SHTN1: variants seen among roughly 807,000 people sequenced by gnomAD.
The protein encoded by SHTN1 is shootin-1.
SHTN1 carries 42 observed loss-of-function variants against 83.1 expected under a neutral mutation model. That is an observed-to-expected ratio of 0.51 (90% CI 0.39 to 0.65). The LOEUF (loss-of-function observed/expected upper bound fraction) is 0.65. Ranked by LOEUF, SHTN1 falls within the 30% of genes least tolerant of loss-of-function variation. The pLI is 0.00. For missense variants in SHTN1, 622 were observed against 737.8 expected (o/e 0.84, Z 1.82); for synonymous variants, 224 against 247.7 (o/e 0.90, Z 0.90).
intron 9 of SHTN1, among the ~76,000 whole-genome samples, chr10:116,933,187 A>G (rs7089699): frequency 0.3 from 44,858 of 151,838 alleles, 6,951 homozygotes; most frequent in East Asian, 0.52. Context: ...TATTTATTAT[A>G]CTGTAAGTTC....
intron 2 of SHTN1, among the ~76,000 whole-genome samples, chr10:117,017,762 C>A (rs1480977978): frequency 1.4e-4 from 21 of 152,092 alleles, no homozygotes; most frequent in Admixed American, 1.4e-3. Flanking sequence ...AAAATAGCAA[C>A]CTTACAGTGG....
At chr10:117,119,792 A>AT (rs1853897716) in intron 1 of SHTN1, among the ~76,000 whole-genome samples, 1 of 152,154 alleles carries the variant, frequency 6.6e-6, no homozygotes. Flanking sequence ...CTATCGACAG[A>AT]TGAATGAATT....
At chr10:116,970,676 T>C (rs1850582544) in intron 2 of SHTN1, among the ~76,000 whole-genome samples, 1 of 149,474 alleles carries the variant, frequency 6.7e-6, no homozygotes, top group African/African-American at 2.5e-5. Context: ...ATCATGCCAC[T>C]GCACTCCAGC....
At chr10:117,039,202 A>C (rs1013880061) in intron 2 of SHTN1, among the ~76,000 whole-genome samples, 2 of 152,346 alleles carry the variant, frequency 1.3e-5, no homozygotes, top group African/African-American at 4.8e-5. Context: ...CATGGAGGAA[A>C]TTTAAATGCA....
At chr10:117,069,607 TG>T (rs1347125847) in intron 1 of SHTN1, among the ~76,000 whole-genome samples, 1 of 152,190 alleles carries the variant, frequency 6.6e-6, no homozygotes, top group African/African-American at 2.4e-5. Context: ...AACTGTCAAG[TG>T]TTACATTACT....
intron 16 of SHTN1, chr10:116,900,522 A>G: frequency 3.3e-6 from 5 of 1,527,102 alleles, no homozygotes; most frequent in Non-Finnish European, 4.4e-6. Flanking sequence ...GAGTTGCAGT[A>G]TTTTCTGATT....
intron 1 of SHTN1, among the ~76,000 whole-genome samples, chr10:116,992,373 T>C (rs971700887): frequency 7.2e-5 from 11 of 152,172 alleles, no homozygotes; most frequent in African/African-American, 2.4e-4. Flanking sequence ...GCAAATTGTT[T>C]ACAAAAATAG....
At chr10:116,939,724 C>T (rs912805788) in intron 9 of SHTN1, among the ~76,000 whole-genome samples, 2 of 152,194 alleles carry the variant, frequency 1.3e-5, no homozygotes, top group Non-Finnish European at 2.9e-5. Flanking sequence ...AATACTGTTG[C>T]CACAGAGGCT....
intron 1 of SHTN1, among the ~76,000 whole-genome samples, chr10:117,002,589 T>C (rs1189172580): frequency 3.9e-5 from 6 of 152,220 alleles, no homozygotes; most frequent in African/African-American, 9.6e-5. Context: ...AAATTGATCA[T>C]AGTATGTACT....
At chr10:117,027,352 GCCACAGGAAGTGC>G (rs1264375486) in intron 2 of SHTN1, among the ~76,000 whole-genome samples, 1 of 152,012 alleles carries the variant, frequency 6.6e-6, no homozygotes, top group Non-Finnish European at 1.5e-5. Flanking sequence ...TCCTGCTGTG[GCCACAGGAAGTGC>G]CAGCTTCTCC....
chr10:117,034,802 C>G (rs1178835547), intron 2 of SHTN1, among the ~76,000 whole-genome samples: 1 of 151,764 alleles, frequency 6.6e-6, no homozygotes, highest in East Asian at 1.9e-4. Context: ...TAATATAAAC[C>G]ATAAACACTG....
chr10:117,010,271 G>C (rs966448993), upstream of SHTN1, among the ~76,000 whole-genome samples: 1 of 151,852 alleles, frequency 6.6e-6, no homozygotes, highest in Non-Finnish European at 1.5e-5. Context: ...GATTCTAAGA[G>C]AATAATAAGA....
At chr10:116,949,103 A>C in intron 6 of SHTN1, 106 bp from the exon 7 acceptor site, 4 of 1,234,770 alleles carry the variant, frequency 3.2e-6, no homozygotes, top group Non-Finnish European at 4.2e-6. Flanking sequence ...ATGAAGTTAC[A>C]ATTTAAAGCA....
intron 1 of SHTN1, among the ~76,000 whole-genome samples, chr10:117,078,520 G>C (rs939829440): frequency 1.3e-5 from 2 of 152,162 alleles, no homozygotes; most frequent in African/African-American, 4.8e-5. Flanking sequence ...CATGATTTTG[G>C]GAATAAGCGT....
At position 116,901,805 on chromosome 10, in the gene SHTN1, G is replaced by A. The variant is rs200753974; in HGVS notation, c.1633C>T (p.Arg545Cys). The A allele has an allele frequency of 4.6e-5, 73 of 1,600,360 alleles. No individual in the cohort carries two copies. Among genetic ancestry groups the A allele is most frequent in the East Asian group, 9.0e-5 (4 of 44,280 alleles). Residue 545 changes from arginine (R) to cysteine (C), a missense_variant, in exon 16 of 17, where the codon CGT becomes TGT. By Grantham distance (180) the Arg-to-Cys change is radical. Coordinates refer to ENST00000355371, the MANE Select transcript of SHTN1 (RefSeq NM_001127211.3). Reference protein sequence around the residue: ...PPTPEPGEGPRKLEGCTSSKV... With the variant: ...PPTPEPGEGPCKLEGCTSSKV... The stretch of plus-strand genomic sequence containing the variant: ...GAACTTGTGCATCCTTCCAATTTAC[G>A]GGGCCCTTCACCTGGCTCAGGTGTT...
At chr10:117,071,860 T>G (rs1249074691) in intron 1 of SHTN1, among the ~76,000 whole-genome samples, 1 of 152,072 alleles carries the variant, frequency 6.6e-6, no homozygotes, top group African/African-American at 2.4e-5. Context: ...TATATGTCAC[T>G]GCAAATTGTA....
intron 4 of SHTN1, 138 bp downstream of exon 4, chr10:116,959,998 C>A: frequency 1.8e-6 from 1 of 564,272 alleles, no homozygotes; most frequent in Non-Finnish European, 3.2e-6. Flanking sequence ...GATTCTGAGG[C>A]CTTTTAACAT....
intron 13 of SHTN1, among the ~76,000 whole-genome samples, chr10:116,914,214 C>CT (rs1848299938): frequency 1.3e-5 from 2 of 152,302 alleles, no homozygotes; most frequent in South Asian, 4.1e-4. Flanking sequence ...TGGCTCATGC[C>CT]TGTAATCCCA....
intron 1 of SHTN1, among the ~76,000 whole-genome samples, chr10:117,098,032 G>A (rs981115194): frequency 1.3e-5 from 2 of 151,916 alleles, no homozygotes; most frequent in African/African-American, 4.8e-5. Flanking sequence ...GAAAGGGAAT[G>A]GCAAATTTTT....
Sources: gnomAD v4.1 joint callset for allele counts (sites outside exome capture counted in the v4.1 genomes callset) on GRCh38, gnomAD v4.1.1 for gene constraint, MANE v1.5 for transcripts, NCBI Gene and HGNC (gene_info 2026-07-23, HGNC 2026-07-21) for gene names.